The following ERC1 variants were observed in gnomAD, a reference collection of about 807,000 sequenced individuals.
The protein encoded by ERC1 is ELKS/RAB6-interacting/CAST family member 1, also known as RAB6 interacting protein 2.
A neutral mutation model predicts 132.0 loss-of-function variants in ERC1; 56 were observed. The ratio of observed to expected loss-of-function variants is 0.42; its 90% CI spans 0.34 to 0.53. The LOEUF (loss-of-function observed/expected upper bound fraction) is 0.53. Among genes scored for constraint, ERC1 ranks in the 20% least tolerant of loss-of-function variants. The pLI is 0.03. For synonymous variants in ERC1, 478 were observed against 476.1 expected (o/e 1.00, Z -0.05); for missense variants, 1,202 against 1,349.9 (o/e 0.89, Z 1.72).
In ERC1 at chr12:1,409,825, C is replaced by T. The variant is rs147257661; in HGVS notation, c.3024+1578C>T. On this transcript the variant is annotated intron_variant, in intron 17 of 18. Coordinates refer to ENST00000360905, the MANE Select transcript of ERC1 (RefSeq NM_178040.4). ...CTGGGTTCAAGTGATTCTCCTGCCT[C>T]ACCCTTCTGAGTAGCTGGGATTACA... Among the ~76,000 whole-genome samples the T allele has an allele frequency of 1.3e-3, 205 of 152,266 alleles. 2 individuals carry two copies. Among genetic ancestry groups the T allele is most frequent in the African/African-American group, 4.7e-3 (195 of 41,544 alleles).
rs1285184093 is a variant in ERC1 at position 1,491,352 on chromosome 12, T to C, written c.*1122T>C. ...CATTGCCTGGAACCTTCTTCTAGCATAAATGAAGGTTTTTCCTCCTACACA... is the reference window on the plus strand; with the variant it reads ...CATTGCCTGGAACCTTCTTCTAGCACAAATGAAGGTTTTTCCTCCTACACA... On this transcript the variant is annotated 3_prime_UTR_variant, in exon 19 of 19. Coordinates refer to ENST00000360905, the MANE Select transcript of ERC1 (RefSeq NM_178040.4). 8.7e-6 allele frequency: 2 copies of C among 231,076 alleles called. No individual in the cohort carries two copies. Among genetic ancestry groups the C allele is most frequent in the Non-Finnish European group, 1.7e-5 (2 of 116,766 alleles). 14.3% of individuals were successfully genotyped at this position (231,076 alleles called of 1,614,324 possible). A position where few individuals can be genotyped will look rare whatever the true frequency, so the allele number is the denominator to read the frequency against.
intron 15 of ERC1, among the ~76,000 whole-genome samples, chr12:1,338,384 A>C (rs1191230843): frequency 6.6e-6 from 1 of 152,140 alleles, no homozygotes; most frequent in Non-Finnish European, 1.5e-5. Flanking sequence ...CAGCTCTGTC[A>C]GGTTGATTAC....
chr12:1,125,357 A>G (rs1393721772), intron 7 of ERC1, among the ~76,000 whole-genome samples: 2 of 151,656 alleles, frequency 1.3e-5, no homozygotes, highest in Non-Finnish European at 2.9e-5. Flanking sequence ...GTTGTTCCCC[A>G]CTCCCCAAGA....
intron 8 of ERC1, among the ~76,000 whole-genome samples, chr12:1,164,588 C>T (rs971816135): frequency 6.6e-6 from 1 of 152,158 alleles, no homozygotes; most frequent in East Asian, 1.9e-4. Context: ...GATCCGCCCA[C>T]CTCAGCCTCC....
intron 16 of ERC1, among the ~76,000 whole-genome samples, 198 bp downstream of exon 16, chr12:1,372,175 AG>A (rs2087319462): frequency 6.6e-6 from 1 of 152,196 alleles, no homozygotes; most frequent in African/African-American, 2.4e-5. Flanking sequence ...TCGTGGTAAG[AG>A]GGCTGTTTTG....
At chr12:1,321,100 A>G (rs567496050) in intron 15 of ERC1, among the ~76,000 whole-genome samples, 22 of 152,324 alleles carry the variant, frequency 1.4e-4, no homozygotes, top group African/African-American at 5.0e-4. Flanking sequence ...GCAGGCACAC[A>G]TGGTAACATG....
chr12:1,257,221 A>G (rs897940816), intron 13 of ERC1: 1 of 152,250 alleles, frequency 6.6e-6, no homozygotes, highest in Non-Finnish European at 1.5e-5. Context: ...CACTAGCTGC[A>G]CCACCTTGCC....
At chr12:1,367,754 C>G (rs2086798681) in intron 15 of ERC1, among the ~76,000 whole-genome samples, 1 of 151,982 alleles carries the variant, frequency 6.6e-6, no homozygotes, top group Non-Finnish European at 1.5e-5. Context: ...CATCTTGATT[C>G]TATTAGAATT....
intron 12 of ERC1, among the ~76,000 whole-genome samples, chr12:1,208,578 G>A (rs1459193709): frequency 6.6e-6 from 1 of 151,982 alleles, no homozygotes; most frequent in African/African-American, 2.4e-5. Flanking sequence ...TGAAGGGTTG[G>A]ATTACTTGTA....
chr12:1,365,336 A>G (rs529089572), intron 15 of ERC1, among the ~76,000 whole-genome samples: 1 of 152,214 alleles, frequency 6.6e-6, no homozygotes, highest in Admixed American at 6.5e-5. Flanking sequence ...GGAAAAAAAA[A>G]AATGCCTTAA....
At chr12:1,209,442 G>A (rs1957660680) in intron 12 of ERC1, among the ~76,000 whole-genome samples, 1 of 150,366 alleles carries the variant, frequency 6.7e-6, no homozygotes, top group African/African-American at 2.5e-5. Context: ...GGTGAGATTG[G>A]CTAGTCTGTC....
At chr12:1,488,141 A>G (rs1204600088) in intron 18 of ERC1, among the ~76,000 whole-genome samples, 176 of 130,056 alleles carry the variant, frequency 1.4e-3, no homozygotes, top group African/African-American at 2.7e-3. Flanking sequence ...CACGTCTCAG[A>G]AAAAAAAAAA....
chr12:1,486,940 C>G (rs1177961205), intron 18 of ERC1, among the ~76,000 whole-genome samples: 2 of 152,190 alleles, frequency 1.3e-5, no homozygotes, highest in African/African-American at 4.8e-5. Flanking sequence ...CTAGAATTGT[C>G]TGGAATATTC....
rs1373139246 is a variant in ERC1, at chr12:1,180,296, T to C, written c.1738-244T>C. Among the ~76,000 whole-genome samples, 141 of 130,550 alleles carry C rather than the reference T, an allele frequency of 1.1e-3. 2 individuals are homozygous for C. Among genetic ancestry groups the C allele is most frequent in the African/African-American group, 5.9e-3 (133 of 22,528 alleles). The allele number at this position is 130,550 out of a possible 152,430, so 85.6% of individuals were successfully genotyped here. On this transcript the variant is annotated intron_variant, in intron 8 of 18. Transcript: ENST00000360905. ...GTGTGTGTGTGTGCGCGCACGCGTG[T>C]GCGCGCGCGCATACACATGTGTACT... is the stretch of plus-strand genomic sequence containing the variant.
chr12:1,212,248 C>T (rs1957948377), intron 12 of ERC1, among the ~76,000 whole-genome samples: 1 of 152,170 alleles, frequency 6.6e-6, no homozygotes, highest in Non-Finnish European at 1.5e-5. Flanking sequence ...TATAGTCATT[C>T]TGAACCATGA....
intron 15 of ERC1, among the ~76,000 whole-genome samples, chr12:1,332,053 C>T (rs529854062): frequency 5.9e-5 from 9 of 152,052 alleles, no homozygotes; most frequent in Admixed American, 1.3e-4. Flanking sequence ...CATTTCCTTT[C>T]CTTCATTTTC....
rs749425672 is a variant in ERC1 at position 1,104,779 on chromosome 12, T to A, written c.1116T>A (p.Pro372=). The stretch of plus-strand genomic sequence containing the variant: ...TGCATCGAAGGTTTGAGAATGCTCC[T>A]GATTCTGCCAAAACAAAAGCTCTGC... ...EEMHRRFENA[P]DSAKTKALQT... The change falls in exon 4 of 19, where the codon CCT becomes CCA. Residue 372 remains proline, a synonymous_variant. Coordinates refer to ENST00000360905, the MANE Select transcript of ERC1 (RefSeq NM_178040.4). The A allele has an allele frequency of 5.0e-6, 8 of 1,613,686 alleles. No homozygotes were observed. Among genetic ancestry groups the A allele is most frequent in the Non-Finnish European group, 6.8e-6 (8 of 1,179,564 alleles).
At chr12:1,418,260 A>G (rs1041403512) in intron 17 of ERC1, among the ~76,000 whole-genome samples, 1 of 152,228 alleles carries the variant, frequency 6.6e-6, no homozygotes, top group African/African-American at 2.4e-5. Context: ...GGATACAACA[A>G]CAGAAGCAGG....
intron 16 of ERC1, among the ~76,000 whole-genome samples, chr12:1,383,617 A>G (rs1164342873): frequency 1.3e-5 from 2 of 152,172 alleles, no homozygotes; most frequent in Admixed American, 1.3e-4. Flanking sequence ...CTGGGTGACA[A>G]AACAAGACTC....
Sources: allele counts gnomAD v4.1 joint callset (sites outside exome capture counted in the v4.1 genomes callset), GRCh38; gene constraint gnomAD v4.1.1; transcripts MANE v1.5; gene names NCBI Gene and HGNC (gene_info 2026-07-23, HGNC 2026-07-21).